PCDH15: variants seen among roughly 807,000 people sequenced by gnomAD.
PCDH15 encodes protocadherin related 15, also known as protocadherin-15.
PCDH15 carries 129 observed loss-of-function variants against 178.5 expected under a neutral mutation model. The ratio of observed to expected loss-of-function variants is 0.72; its 90% CI spans 0.63 to 0.84. The LOEUF (loss-of-function observed/expected upper bound fraction) is 0.84. PCDH15 is among the 40% of genes least tolerant of loss of function. The pLI is 0.00. For synonymous variants in PCDH15, 800 were observed against 732.0 expected (o/e 1.09, Z -1.50); for missense variants, 2,230 against 2,099.9 (o/e 1.06, Z -1.21).
At chr10:53,935,303 AC>A (rs1172609440) in intron 25 of PCDH15, among the ~76,000 whole-genome samples, 1 of 152,216 alleles carries the variant, frequency 6.6e-6, no homozygotes, top group Non-Finnish European at 1.5e-5. Flanking sequence ...CAAGGACTTT[AC>A]TTGGGAATGG....
In PCDH15 at chr10:54,346,498, A is replaced by T; in HGVS notation, c.475-14T>A. On this transcript the variant is annotated splice_polypyrimidine_tract_variant and intron_variant, in intron 5 of 37. Coordinates refer to ENST00000644397, the MANE Select transcript of PCDH15 (RefSeq NM_001384140.1). ...AACTGGAGTGAGCTGAAAGGAAAAAAGATTTTAAATATCAATTTTCATTTT... is the reference window on the plus strand; with the variant it reads ...AACTGGAGTGAGCTGAAAGGAAAAATGATTTTAAATATCAATTTTCATTTT... 1 of 1,612,940 alleles carries T rather than the reference A, an allele frequency of 6.2e-7. No individual in the cohort carries two copies. Among genetic ancestry groups the T allele is most frequent in the Non-Finnish European group, 8.5e-7 (1 of 1,179,736 alleles).
chr10:55,283,460 T>G (rs1387531347), intron 1 of PCDH15, among the ~76,000 whole-genome samples: 2 of 151,938 alleles, frequency 1.3e-5, no homozygotes, highest in African/African-American at 4.8e-5. Context: ...ATTAAACTCT[T>G]TCTCTATTGC....
chr10:55,525,403 T>C (rs1036047335), intron 2 of PCDH15, among the ~76,000 whole-genome samples: 3 of 151,872 alleles, frequency 2.0e-5, no homozygotes, highest in African/African-American at 7.2e-5. Context: ...TTTATAATAG[T>C]GAAAGTCACT....
chr10:55,437,289 A>T (rs1839064363), intron 2 of PCDH15, among the ~76,000 whole-genome samples: 1 of 152,198 alleles, frequency 6.6e-6, no homozygotes, highest in South Asian at 2.1e-4. Context: ...ATGCACAGAT[A>T]AAGAGTTTGG....
At chr10:54,643,901 C>T (rs1400250174) in intron 2 of PCDH15, among the ~76,000 whole-genome samples, 4 of 149,180 alleles carry the variant, frequency 2.7e-5, no homozygotes, top group Non-Finnish European at 5.9e-5. Context: ...ATGTGCCATG[C>T]TGGTGTGCTG....
chr10:54,369,280 A>G lies in PCDH15; in HGVS notation c.319-5T>C, dbSNP rs551311438. ...GGAGTGTATGTTCATCGGTGGCTGC[A>G]ATGTAGAAATTGCATCTTTTAAAAT... On this transcript the variant is annotated splice_polypyrimidine_tract_variant and splice_region_variant and intron_variant, in intron 4 of 37. Transcript: ENST00000644397. 1 of 1,612,050 alleles carries G rather than the reference A, an allele frequency of 6.2e-7. No individual in the cohort carries two copies. The highest frequency in any genetic ancestry group is 1.7e-5 in the Admixed American group (1 of 59,772).
At chr10:54,568,718 T>C (rs573449155) in intron 2 of PCDH15, 1 of 152,258 alleles carries the variant, frequency 6.6e-6, no homozygotes, top group East Asian at 1.9e-4. Context: ...TTACAGAACT[T>C]CATATAAATG....
chr10:55,466,615 G>A (rs1037795986), intron 2 of PCDH15, among the ~76,000 whole-genome samples: 1 of 152,052 alleles, frequency 6.6e-6, no homozygotes, highest in African/African-American at 2.4e-5. Context: ...AAAAATAGAA[G>A]ATAAGAAAAA....
intron 3 of PCDH15, among the ~76,000 whole-genome samples, chr10:54,852,724 GCGC>G (rs1230454335): frequency 6.6e-6 from 1 of 151,596 alleles, no homozygotes; most frequent in East Asian, 2.0e-4. Context: ...GTGGTGGTAG[GCGC>G]CTGTAATCCC....
chr10:54,831,180 T>C (rs964684727), intron 3 of PCDH15, among the ~76,000 whole-genome samples: 6 of 152,082 alleles, frequency 3.9e-5, no homozygotes, highest in Admixed American at 6.6e-5. Context: ...AAAAGATACA[T>C]GTAAGATAAT....
At chr10:55,418,154 A>C (rs1838529996) in intron 2 of PCDH15, among the ~76,000 whole-genome samples, 2 of 151,766 alleles carry the variant, frequency 1.3e-5, no homozygotes, top group Admixed American at 1.3e-4. Context: ...TAAAGGGTAT[A>C]ACATCATAAT....
chr10:55,049,253 G>T (rs1049947846), intron 2 of PCDH15, among the ~76,000 whole-genome samples: 1 of 151,760 alleles, frequency 6.6e-6, no homozygotes, highest in Non-Finnish European at 1.5e-5. Context: ...GCTTTTATAC[G>T]CAATAGGGGC....
intron 15 of PCDH15, among the ~76,000 whole-genome samples, chr10:54,132,106 C>G (rs562370771): frequency 6.6e-6 from 1 of 152,164 alleles, no homozygotes; most frequent in Non-Finnish European, 1.5e-5. Context: ...AAGATAAACT[C>G]TGTTCTCTGA....
chr10:54,012,035 A>G (rs1435825417), intron 20 of PCDH15, among the ~76,000 whole-genome samples: 4 of 152,202 alleles, frequency 2.6e-5, no homozygotes, highest in Non-Finnish European at 5.9e-5. Flanking sequence ...CAAGGAAACT[A>G]AGGATTACAA....
chr10:54,721,631 A>G (rs189494200), intron 1 of PCDH15, among the ~76,000 whole-genome samples: 12 of 152,014 alleles, frequency 7.9e-5, no homozygotes, highest in African/African-American at 1.7e-4. Context: ...GAGAAAATGC[A>G]TTTCTAGAAA....
At chr10:55,577,469 A>G (rs1190239447) in intron 2 of PCDH15, among the ~76,000 whole-genome samples, 2 of 152,146 alleles carry the variant, frequency 1.3e-5, no homozygotes, top group East Asian at 3.9e-4. Context: ...TTTTAAGTCA[A>G]CTATGTATTT....
At chr10:54,986,470 A>C (rs761644997) in intron 2 of PCDH15, among the ~76,000 whole-genome samples, 13 of 152,212 alleles carry the variant, frequency 8.5e-5, no homozygotes, top group Non-Finnish European at 1.9e-4. Context: ...CATAACTCTG[A>C]AAATTCAAAA....
intron 2 of PCDH15, among the ~76,000 whole-genome samples, chr10:55,609,516 A>G (rs934783958): frequency 5.9e-5 from 9 of 152,154 alleles, no homozygotes; most frequent in African/African-American, 2.2e-4. Flanking sequence ...CACTGTTCAG[A>G]TCTTTATATC....
chr10:55,156,707 A>C (rs1365869017), intron 2 of PCDH15, among the ~76,000 whole-genome samples: 1 of 152,152 alleles, frequency 6.6e-6, no homozygotes, highest in Non-Finnish European at 1.5e-5. Context: ...GATTATGGGT[A>C]AGATGATAAT....
Sources: gnomAD v4.1 joint callset for allele counts (sites outside exome capture counted in the v4.1 genomes callset) on GRCh38, gnomAD v4.1.1 for gene constraint, MANE v1.5 for transcripts, NCBI Gene and HGNC (gene_info 2026-07-23, HGNC 2026-07-21) for gene names.